The following VPS13B variants were observed in gnomAD, a reference collection of about 807,000 sequenced individuals.
The protein encoded by VPS13B is vacuolar protein sorting 13 homolog B.
Under a neutral mutation model 426.4 loss-of-function variants are expected in VPS13B, and 285 were observed. The ratio of observed to expected loss-of-function variants is 0.67; its 90% CI spans 0.61 to 0.74. VPS13B has a LOEUF of 0.74. VPS13B is among the 30% of genes least tolerant of loss of function. VPS13B has a pLI of 0.00. For missense variants in VPS13B, 4,537 were observed against 4,782.6 expected, an observed-to-expected ratio of 0.95 and a Z score of 1.51; for synonymous variants, 1,676 against 1,676.4, an observed-to-expected ratio of 1.00 and a Z score of 0.01.
At chr8:99,416,307 G>C (rs969810381) in intron 21 of VPS13B, among the ~76,000 whole-genome samples, 2 of 152,182 alleles carry the variant, frequency 1.3e-5, no homozygotes, top group Non-Finnish European at 2.9e-5. Flanking sequence ...TCAGACTGCT[G>C]TCCTGGCAGT....
At chr8:99,742,034 G>C (rs1264063524) in intron 39 of VPS13B, among the ~76,000 whole-genome samples, 1 of 152,126 alleles carries the variant, frequency 6.6e-6, no homozygotes, top group Non-Finnish European at 1.5e-5. Flanking sequence ...ATGAATCCAG[G>C]AGCTGGTCTT....
chr8:99,081,161 G>C (rs1285119787), intron 3 of VPS13B, among the ~76,000 whole-genome samples: 1 of 152,196 alleles, frequency 6.6e-6, no homozygotes, highest in South Asian at 2.1e-4. Context: ...TAAGCGTTGA[G>C]CTTGGTAACA....
intron 20 of VPS13B, among the ~76,000 whole-genome samples, chr8:99,390,953 G>C (rs1814410237): frequency 6.6e-6 from 1 of 152,040 alleles, no homozygotes; most frequent in Admixed American, 6.6e-5. Flanking sequence ...ATATTTTCCA[G>C]CTTTCTCTAA....
intron 51 of VPS13B, among the ~76,000 whole-genome samples, chr8:99,825,887 T>C (rs1246142262): frequency 6.6e-6 from 1 of 152,128 alleles, no homozygotes; most frequent in Non-Finnish European, 1.5e-5. Flanking sequence ...TGTAGATGTG[T>C]GGTGTTATTT....
intron 35 of VPS13B, among the ~76,000 whole-genome samples, chr8:99,673,245 A>C (rs1830791717): frequency 6.6e-6 from 1 of 152,032 alleles, no homozygotes; most frequent in South Asian, 2.1e-4. Flanking sequence ...TCAGTGGTGA[A>C]GTCATTGGAC....
intron 33 of VPS13B, among the ~76,000 whole-genome samples, chr8:99,590,227 C>T (rs1826556276): frequency 6.6e-6 from 1 of 151,882 alleles, no homozygotes; most frequent in African/African-American, 2.4e-5. Flanking sequence ...ATTCTTCTCT[C>T]TTTTCTTTAT....
At chr8:99,211,887 TTTTTTTAATTTTAA>T (rs1358028784) in intron 17 of VPS13B, among the ~76,000 whole-genome samples, 2 of 152,176 alleles carry the variant, frequency 1.3e-5, no homozygotes, top group Non-Finnish European at 2.9e-5. Flanking sequence ...TGCAATTTTA[TTTTTTTAATTTTAA>T]TTTTTTTTTG....
At chr8:99,475,089 T>C (rs1468029551) in intron 24 of VPS13B, among the ~76,000 whole-genome samples, 1 of 152,166 alleles carries the variant, frequency 6.6e-6, no homozygotes, top group African/African-American at 2.4e-5. Flanking sequence ...AGAAGCCAAG[T>C]GGAAAAAGAG....
intron 41 of VPS13B, among the ~76,000 whole-genome samples, 193 bp from the exon 42 acceptor site, chr8:99,778,489 A>G (rs1320753264): frequency 6.6e-6 from 1 of 152,200 alleles, no homozygotes; most frequent in Non-Finnish European, 1.5e-5. Context: ...ATTGAACAAA[A>G]CAGTTTTGTT....
At chr8:99,810,686 C>T (rs1813652451) in intron 44 of VPS13B, among the ~76,000 whole-genome samples, 1 of 152,184 alleles carries the variant, frequency 6.6e-6, no homozygotes, top group South Asian at 2.1e-4. Flanking sequence ...AAATGGAAAA[C>T]ACCAAGTATG....
At chr8:99,133,918 A>G (rs1034620080) in intron 8 of VPS13B, among the ~76,000 whole-genome samples, 53 of 152,340 alleles carry the variant, frequency 3.5e-4, no homozygotes, top group African/African-American at 1.2e-3. Flanking sequence ...CAGAAACACA[A>G]AGTAAGCATG....
At chr8:99,377,364 A>G (rs1459102057) in intron 19 of VPS13B, among the ~76,000 whole-genome samples, 1 of 152,092 alleles carries the variant, frequency 6.6e-6, no homozygotes, top group Admixed American at 6.6e-5. Flanking sequence ...TCATTTTAAA[A>G]GTTTCATTAT....
chr8:99,481,771 G>A lies in VPS13B; in HGVS notation c.3839G>A (p.Ser1280Asn), dbSNP rs1441125749. The A allele has an allele frequency of 1.2e-6, 2 of 1,613,774 alleles. No homozygotes were observed. The highest frequency in any genetic ancestry group is 2.7e-5 in the African/African-American group (2 of 74,896). ...GCTCCTCCAGATACCAGCACATGCA[G>A]CCCATCTGCTGACATTGGGACTACT... ...GTAPPDTSTC[S>N]PSADIGTTTE... is the part of the protein sequence containing the mutation. Residue 1280 changes from serine (S) to asparagine (N), a missense_variant, in exon 25 of 62, where the codon AGC becomes AAC. Coordinates refer to ENST00000357162, the MANE Select transcript of VPS13B (RefSeq NM_152564.5).
chr8:99,106,982 G>C (rs899785906), intron 5 of VPS13B, among the ~76,000 whole-genome samples: 4 of 152,048 alleles, frequency 2.6e-5, no homozygotes, highest in Non-Finnish European at 5.9e-5. Flanking sequence ...ATGCTATAGC[G>C]AACATTTTCA....
chr8:99,354,305 T>TTTTTTTTGTTTTTTTTTTG (rs1812064015), intron 19 of VPS13B, among the ~76,000 whole-genome samples: 1 of 130,522 alleles, frequency 7.7e-6, no homozygotes, highest in Non-Finnish European at 1.6e-5. Context: ...TTTTTTTTTT[T>TTTTTTTTGTTTTTTTTTTG]GGTATTTCAG....
At chr8:99,846,460 C>T (rs952925413) in intron 54 of VPS13B, among the ~76,000 whole-genome samples, 109 of 152,210 alleles carry the variant, frequency 7.2e-4, no homozygotes, top group African/African-American at 2.4e-3. Context: ...TAAGGATTTA[C>T]TTTGGACTTG....
intron 17 of VPS13B, among the ~76,000 whole-genome samples, chr8:99,223,511 T>C (rs917371729): frequency 6.6e-6 from 1 of 152,172 alleles, no homozygotes; most frequent in Admixed American, 6.5e-5. Context: ...GAAGTAAACA[T>C]TCTTGCCCTT....
At chr8:99,869,467 A>G (rs1817280296) in intron 59 of VPS13B, among the ~76,000 whole-genome samples, 1 of 152,176 alleles carries the variant, frequency 6.6e-6, no homozygotes, top group Non-Finnish European at 1.5e-5. Context: ...CATCCTTAAG[A>G]GACCACACAG....
chr8:99,529,705 G>A (rs1044442877), intron 30 of VPS13B, among the ~76,000 whole-genome samples: 1 of 152,168 alleles, frequency 6.6e-6, no homozygotes, highest in Admixed American at 6.5e-5. Flanking sequence ...TGAATTACAA[G>A]GGCAAAGTAA....
Sources: gnomAD v4.1 joint callset for allele counts (sites outside exome capture counted in the v4.1 genomes callset) on GRCh38, gnomAD v4.1.1 for gene constraint, MANE v1.5 for transcripts, NCBI Gene and HGNC (gene_info 2026-07-23, HGNC 2026-07-21) for gene names.